PCDHGB5: variants seen among roughly 807,000 people sequenced by gnomAD.
PCDHGB5 encodes the protein protocadherin gamma subfamily B, 5.
In PCDHGB5, 48 loss-of-function variants were observed where a neutral mutation model predicts 62.9. That is an observed-to-expected ratio of 0.76 (90% CI 0.61 to 0.97). The LOEUF (loss-of-function observed/expected upper bound fraction) is 0.97, where lower values mean the gene tolerates loss of function less well. Among genes scored for constraint, PCDHGB5 ranks in the 50% least tolerant of loss-of-function variants. PCDHGB5 has a pLI of 0.00. For synonymous variants in PCDHGB5, 474 were observed against 511.2 expected (o/e 0.93, Z 0.98); for missense variants, 1,118 against 1,198.6 (o/e 0.93, Z 0.99).
chr5:141,416,062 T>G, intron 1 of PCDHGB5: 1 of 176,822 alleles, frequency 5.7e-6, no homozygotes, highest in Non-Finnish European at 1.2e-5. Flanking sequence ...AATCCAAGAA[T>G]ACTCAATGCA....
At chr5:141,417,030 T>G (rs1460954160) in intron 1 of PCDHGB5, 1 of 86,454 alleles carries the variant, frequency 1.2e-5, no homozygotes, top group East Asian at 2.9e-4. Flanking sequence ...AAATACAGGT[T>G]TTTTTTTTAA....
intron 1 of PCDHGB5, among the ~76,000 whole-genome samples, chr5:141,458,445 T>G (rs180720013): frequency 6.6e-6 from 1 of 151,738 alleles, no homozygotes; most frequent in East Asian, 1.9e-4. Flanking sequence ...TCCCCCACAT[T>G]AACAATTTTT....
At chr5:141,473,439 A>G (rs2099322281) in intron 1 of PCDHGB5, among the ~76,000 whole-genome samples, 1 of 152,210 alleles carries the variant, frequency 6.6e-6, no homozygotes, top group African/African-American at 2.4e-5. Flanking sequence ...TTGCTTATGC[A>G]AAAATAATTA....
At chr5:141,456,919 C>G (rs2098898169) in intron 1 of PCDHGB5, among the ~76,000 whole-genome samples, 1 of 152,124 alleles carries the variant, frequency 6.6e-6, no homozygotes, top group African/African-American at 2.4e-5. Flanking sequence ...GCCGAGATCG[C>G]ACCACTGCAC....
chr5:141,497,626 G>T (rs1373764805), intron 2 of PCDHGB5, among the ~76,000 whole-genome samples: 3 of 149,502 alleles, frequency 2.0e-5, no homozygotes, highest in Non-Finnish European at 4.4e-5. Flanking sequence ...TGCAACCTCT[G>T]CCTGCCAGGT....
At position 141,398,663 on chromosome 5, in the gene PCDHGB5, C is replaced by T. The variant is rs2150753348; in HGVS notation, c.536C>T (p.Ser179Leu). The T allele has an allele frequency of 1.2e-6, 2 of 1,614,016 alleles. No homozygotes were observed. The highest frequency in any genetic ancestry group is 1.7e-6 in the Non-Finnish European group (2 of 1,179,894). Residue 179 changes from serine (S) to leucine (L), a missense_variant, in exon 1 of 4, where the codon TCA becomes TTA. Physicochemically the swap from Ser to Leu is moderately radical, Grantham distance 145 (BLOSUM62 -2). Around this residue, in one of 2 missense-constraint regions of PCDHGB5, gnomAD observed 1,034 missense variants for 1,029.1 expected, o/e 1.00. Coordinates refer to ENST00000617380, the MANE Select transcript of PCDHGB5 (RefSeq NM_018925.3). The stretch of plus-strand genomic sequence containing the variant: ...AAACTCTCTCTTAACCCAAGTTTCT[C>T]ATTAATAATTAAGGAGAAACAGGAT... Reference protein sequence around the residue: ...KYKLSLNPSFSLIIKEKQDGS... With the variant: ...KYKLSLNPSFLLIIKEKQDGS...
chr5:141,455,905 T>TTATG (rs2098836561), intron 1 of PCDHGB5, among the ~76,000 whole-genome samples: 1 of 148,340 alleles, frequency 6.7e-6, no homozygotes, highest in Admixed American at 6.7e-5. Flanking sequence ...ATTTATTTAT[T>TTATG]TATTTATTTT....
intron 1 of PCDHGB5, among the ~76,000 whole-genome samples, chr5:141,401,627 G>A (rs998564450): frequency 6.6e-6 from 1 of 152,176 alleles, no homozygotes; most frequent in African/African-American, 2.4e-5. Flanking sequence ...TTGTCTTATC[G>A]TTTGGAGCTT....
At chr5:141,434,392 C>T (rs906051301) in intron 1 of PCDHGB5, among the ~76,000 whole-genome samples, 4 of 152,210 alleles carry the variant, frequency 2.6e-5, no homozygotes, top group African/African-American at 9.6e-5. Context: ...TGGCCATAAA[C>T]AAAATCTCTG....
At chr5:141,468,701 C>A (rs1186497330) in intron 1 of PCDHGB5, 2 of 151,628 alleles carry the variant, frequency 1.3e-5, no homozygotes, top group African/African-American at 2.4e-5. Flanking sequence ...CCCGTCTCTA[C>A]TAAAAATATA....
chr5:141,404,800 C>G (rs369141362), intron 1 of PCDHGB5: 3 of 1,613,970 alleles, frequency 1.9e-6, no homozygotes, highest in Middle Eastern at 1.6e-4. Context: ...AGCCAGGGCT[C>G]TTCTCGGTGG....
At chr5:141,413,528 T>C in intron 1 of PCDHGB5, 1 of 1,613,834 alleles carries the variant, frequency 6.2e-7, no homozygotes, top group Non-Finnish European at 8.5e-7. Context: ...GAAGACAGGG[T>C]GAAACTTTTT....
chr5:141,414,222 A>G lies in PCDHGB5; in HGVS notation c.2397+13698A>G, dbSNP rs1038407271. 3.7e-6 allele frequency: 6 copies of G among 1,613,316 alleles called. No individual in the cohort carries two copies. The African/African-American group carries it at 5.3e-5, about 14-fold the overall frequency. On this transcript the variant is annotated intron_variant, in intron 1 of 3. Coordinates refer to ENST00000617380, the MANE Select transcript of PCDHGB5 (RefSeq NM_018925.3). ...TAGAAGATGTAAATGACAACAGTCC[A>G]GAGCTGACCATCACGTCTCTATTTA...
At chr5:141,492,495 G>A (rs750427038) in intron 1 of PCDHGB5, among the ~76,000 whole-genome samples, 65 of 152,186 alleles carry the variant, frequency 4.3e-4, no homozygotes, top group Non-Finnish European at 6.0e-4. Context: ...ACCAGGCGAG[G>A]ACTCCGGAGC....
chr5:141,415,123 G>A (rs1349224471), intron 1 of PCDHGB5: 3 of 1,613,540 alleles, frequency 1.9e-6, no homozygotes, highest in African/African-American at 1.3e-5. Context: ...CGTAGTGGCC[G>A]TCCAGGACCA....
chr5:141,446,778 T>C (rs2098515519), intron 1 of PCDHGB5, among the ~76,000 whole-genome samples: 1 of 152,116 alleles, frequency 6.6e-6, no homozygotes, highest in South Asian at 2.1e-4. Flanking sequence ...GTTACCATTC[T>C]TTTACTCTGA....
In PCDHGB5 at chr5:141,477,442, A is replaced by G; in HGVS notation, c.2398-17365A>G. The G allele has an allele frequency of 6.2e-7, 1 of 1,614,132 alleles. No individual in the cohort carries two copies. Among genetic ancestry groups the G allele is most frequent in the Non-Finnish European group, 8.5e-7 (1 of 1,180,022 alleles). ...CCCCTTCCCTCTCAGCCCTTACAAT[A>G]GTGCGTGTTCAAGTGTCCGACATCA... On this transcript the variant is annotated intron_variant, in intron 1 of 3. Coordinates refer to ENST00000617380, the MANE Select transcript of PCDHGB5 (RefSeq NM_018925.3). This position sits in a 1 kb window ranked among gnomAD's most constrained non-coding sequence, Gnocchi z 4.9.
Position 141,399,617 on chromosome 5 carries a change from T to G in PCDHGB5, c.1490T>G (p.Leu497Arg). 6.2e-7 allele frequency: 1 copy of G among 1,613,944 alleles called. No homozygotes were observed. Among genetic ancestry groups the G allele is most frequent in the Non-Finnish European group, 8.5e-7 (1 of 1,179,890 alleles). The change falls in exon 1 of 4, where the codon CTG becomes CGG. Residue 497 changes from leucine (L) to arginine (R), a missense_variant. Coordinates refer to ENST00000617380, the MANE Select transcript of PCDHGB5 (RefSeq NM_018925.3). ...GCCAGCGACCTAGAGCCTCTGGCACTGGCCTCTTACGTGTCCATGAGCGCG... is the reference window on the plus strand; with the variant it reads ...GCCAGCGACCTAGAGCCTCTGGCACGGGCCTCTTACGTGTCCATGAGCGCG... ...IMASDLEPLALASYVSMSAQS... is the reference protein window; with the variant it reads ...IMASDLEPLARASYVSMSAQS...
At chr5:141,410,191 C>G in intron 1 of PCDHGB5, 2 of 1,613,994 alleles carry the variant, frequency 1.2e-6, no homozygotes, top group Non-Finnish European at 1.7e-6. Context: ...TTCATCTGGT[C>G]TTCGCAGACA....
Sources: allele counts gnomAD v4.1 joint callset (sites outside exome capture counted in the v4.1 genomes callset), GRCh38; gene constraint gnomAD v4.1.1; regional missense constraint gnomAD v4.1.1; non-coding constraint Gnocchi (gnomAD v3.1); transcripts MANE v1.5; gene names NCBI Gene and HGNC (gene_info 2026-07-23, HGNC 2026-07-21).